The following DAZL variants were observed in gnomAD, a reference collection of about 807,000 sequenced individuals.
The protein encoded by DAZL is deleted in azoospermia like.
DAZL carries 4 observed loss-of-function variants against 45.0 expected under a neutral mutation model. The ratio of observed to expected loss-of-function variants is 0.09; its 90% CI spans 0.04 to 0.20. DAZL has a LOEUF of 0.20. Ranked by LOEUF, DAZL falls within the 10% of genes least tolerant of loss-of-function variation. The pLI is 1.00. For synonymous variants in DAZL, 122 were observed against 112.4 expected, an observed-to-expected ratio of 1.09 and a Z score of -0.54; for missense variants, 326 against 351.3, an observed-to-expected ratio of 0.93 and a Z score of 0.58.
intron 9 of DAZL, among the ~76,000 whole-genome samples, chr3:16,593,396 C>G (rs572994539): frequency 3.2e-4 from 49 of 152,284 alleles, no homozygotes; most frequent in African/African-American, 1.2e-3. Flanking sequence ...TGGTCTCGAA[C>G]TCCTGAGCTC....
chr3:16,597,156 T>G (rs1694612987), intron 4 of DAZL, 105 bp from the exon 5 acceptor site: 1 of 1,316,902 alleles, frequency 7.6e-7, no homozygotes, highest in Admixed American at 2.0e-5. Context: ...TCATAGAAGA[T>G]CAGTGATAAC....
In DAZL at chr3:16,588,098, C is replaced by T. The variant is rs10510454; in HGVS notation, c.*562G>A. On this transcript the variant is annotated 3_prime_UTR_variant, in exon 11 of 11. Coordinates refer to ENST00000399444, the MANE Select transcript of DAZL (RefSeq NM_001351.4). ...ATAAACATATGACCCACTGATTGGA[C>T]TGTTCGCTTTGAATCTGTTTTGCTG... 0.14 allele frequency: 22,041 copies of T among 158,610 alleles called. 1,969 individuals are homozygous for T. Among genetic ancestry groups the T allele is most frequent in the East Asian group, 0.45 (2,415 of 5,316 alleles). The allele number at this position is 158,610 out of a possible 1,614,324, so 9.8% of individuals were successfully genotyped here.
intron 10 of DAZL, among the ~76,000 whole-genome samples, chr3:16,591,809 C>T (rs1694522870): frequency 6.6e-6 from 1 of 152,132 alleles, no homozygotes; most frequent in African/African-American, 2.4e-5. Flanking sequence ...TCTAGTTAAC[C>T]CTTTCAATTA....
chr3:16,594,345 A>C (rs79924124), intron 8 of DAZL, among the ~76,000 whole-genome samples, 188 bp downstream of exon 8: 15,247 of 152,158 alleles, frequency 0.1, 1,017 homozygotes, highest in Non-Finnish European at 0.14. Context: ...TGAGAGAAGA[A>C]GGCACTGTTG....
At chr3:16,598,216 G>A (rs370245059) in intron 2 of DAZL, 38 bp from the exon 3 acceptor site, 5 of 1,535,920 alleles carry the variant, frequency 3.3e-6, no homozygotes, top group South Asian at 1.1e-5. Context: ...TAAAAATTCA[G>A]CATTCAAAAA....
chr3:16,598,591 G>T lies in DAZL; in HGVS notation c.11C>A (p.Ala4Glu). The T allele has an allele frequency of 1.3e-6, 2 of 1,595,686 alleles. No individual in the cohort carries two copies. Among genetic ancestry groups the T allele is most frequent in the Non-Finnish European group, 1.7e-6 (2 of 1,177,134 alleles). MST[A>E]NPETPNSTIS... is the part of the protein sequence containing the mutation. ...GGTTGAGTTTGGAGTTTCAGGATTT[G>T]CAGTAGACTGTAATTTGGAAAGTAG... The change falls in exon 2 of 11, where the codon GCA (alanine) becomes GAA (glutamate). Residue 4 changes from alanine to glutamate, a missense_variant. Coordinates refer to ENST00000399444, the MANE Select transcript of DAZL (RefSeq NM_001351.4).
intron 8 of DAZL, among the ~76,000 whole-genome samples, chr3:16,594,019 A>G (rs1468272650): frequency 1.3e-5 from 2 of 152,230 alleles, no homozygotes; most frequent in African/African-American, 4.8e-5. Flanking sequence ...ATGTAGTAAG[A>G]GAGTGTTTGA....
intron 6 of DAZL, 106 bp from the exon 7 acceptor site, chr3:16,595,491 C>A: frequency 3.2e-6 from 2 of 632,728 alleles, no homozygotes; most frequent in Non-Finnish European, 5.4e-6. Context: ...AAATATTTTT[C>A]TATATACAAC....
intron 10 of DAZL, among the ~76,000 whole-genome samples, chr3:16,589,364 A>T (rs1433668978): frequency 6.6e-6 from 1 of 152,224 alleles, no homozygotes; most frequent in Admixed American, 6.5e-5. Context: ...TATTTTCTAC[A>T]AAGTTAACTG....
intron 10 of DAZL, among the ~76,000 whole-genome samples, chr3:16,590,703 C>T (rs1694505191): frequency 6.6e-6 from 1 of 152,122 alleles, no homozygotes; most frequent in African/African-American, 2.4e-5. Flanking sequence ...AGTTCTGATA[C>T]GTGCTAGAAT....
chr3:16,596,188 A>C (rs1051238669), intron 6 of DAZL, among the ~76,000 whole-genome samples: 8 of 152,102 alleles, frequency 5.3e-5, no homozygotes, highest in African/African-American at 1.7e-4. Context: ...AAATGAACTA[A>C]GAAGAAAATG....
chr3:16,596,655 T>A, intron 6 of DAZL, 95 bp downstream of exon 6: 1 of 1,324,684 alleles, frequency 7.5e-7, no homozygotes, highest in Non-Finnish European at 1.1e-6. Flanking sequence ...CAAACAGGGA[T>A]GCCATTACCA....
At chr3:16,595,222 TA>T in intron 7 of DAZL, 91 bp downstream of exon 7, 1 of 741,158 alleles carries the variant, frequency 1.3e-6, no homozygotes, top group Non-Finnish European at 2.2e-6. Context: ...TTCACTAGTT[TA>T]AAATGACAAA....
chr3:16,591,125 T>C (rs1168460677), intron 10 of DAZL, among the ~76,000 whole-genome samples: 3 of 152,196 alleles, frequency 2.0e-5, no homozygotes, highest in Non-Finnish European at 4.4e-5. Context: ...TTCCTATTCA[T>C]AGACTTAGAA....
chr3:16,602,432 G>A (rs1426728767), intron 1 of DAZL, among the ~76,000 whole-genome samples: 1 of 152,074 alleles, frequency 6.6e-6, no homozygotes, highest in Admixed American at 6.5e-5. Context: ...TCAGAGAGAG[G>A]TGCACATACA....
intron 9 of DAZL, 96 bp from the exon 10 acceptor site, chr3:16,592,244 T>A: frequency 1.3e-6 from 2 of 1,529,256 alleles, no homozygotes. Flanking sequence ...TATTACTTTA[T>A]TTCTAAAGAA....
intron 10 of DAZL, among the ~76,000 whole-genome samples, chr3:16,589,224 GA>G (rs201914698): frequency 1.3e-5 from 2 of 151,244 alleles, no homozygotes; most frequent in African/African-American, 4.9e-5. Flanking sequence ...GAAAGAAAGA[GA>G]AAAAATTTAA....
intron 1 of DAZL, among the ~76,000 whole-genome samples, chr3:16,604,077 T>C (rs1009877854): frequency 6.6e-6 from 1 of 152,234 alleles, no homozygotes; most frequent in African/African-American, 2.4e-5. Flanking sequence ...TTTATTAGCA[T>C]GGATAACTAT....
chr3:16,598,060 TCA>T, intron 3 of DAZL, 25 bp downstream of exon 3: 1 of 1,498,678 alleles, frequency 6.7e-7, no homozygotes, highest in Non-Finnish European at 9.2e-7. Flanking sequence ...TGGCTAGAGT[TCA>T]GATATTTTTG....
Sources: gnomAD v4.1 joint callset for allele counts (sites outside exome capture counted in the v4.1 genomes callset) on GRCh38, gnomAD v4.1.1 for gene constraint, MANE v1.5 for transcripts, NCBI Gene and HGNC (gene_info 2026-07-23, HGNC 2026-07-21) for gene names.